Variants in CORIN observed in about 807,000 individuals in gnomAD.
CORIN encodes the protein corin, serine peptidase.
A neutral mutation model predicts 125.3 loss-of-function variants in CORIN; 117 were observed. The observed-to-expected ratio is 0.93, with a 90% confidence interval of 0.80 to 1.09. CORIN has a LOEUF of 1.09. Ranked by LOEUF, CORIN falls within the 50% of genes least tolerant of loss-of-function variation. CORIN has a pLI of 0.00. For synonymous variants in CORIN, 450 were observed against 466.4 expected, an observed-to-expected ratio of 0.96 and a Z score of 0.45; for missense variants, 1,253 against 1,306.7, an observed-to-expected ratio of 0.96 and a Z score of 0.63.
Position 47,628,292 on chromosome 4 carries a change from C to CT in CORIN, c.2199-1772dup, listed in dbSNP as rs575859017. 4.0e-4 allele frequency among the ~76,000 whole-genome samples: 61 copies of CT among 152,088 alleles called. No individual in the cohort carries two copies. In the South Asian group the frequency reaches 0.011, roughly 27 times the overall value. ...ATCTCCATAACTTCAATTTCCCTTT[C>CT]TTTTTTTTCCAGCTTTATTGAGGCA... On this transcript the variant is annotated intron_variant, in intron 16 of 21. Coordinates refer to ENST00000273857, the MANE Select transcript of CORIN (RefSeq NM_006587.4).
At chr4:47,701,676 T>A (rs184051401) in intron 5 of CORIN, among the ~76,000 whole-genome samples, 2,426 of 152,004 alleles carry the variant, frequency 0.016, 76 homozygotes, top group African/African-American at 0.055. Context: ...AAATCTAATT[T>A]AAAAAGTAGA....
intron 1 of CORIN, among the ~76,000 whole-genome samples, chr4:47,808,498 C>CA (rs1731896835): frequency 6.6e-6 from 1 of 152,182 alleles, no homozygotes; most frequent in African/African-American, 2.4e-5. Flanking sequence ...ACCCATATTG[C>CA]AAGCAGTGTT....
At chr4:47,686,692 T>C (rs921570454) in intron 6 of CORIN, among the ~76,000 whole-genome samples, 1 of 152,252 alleles carries the variant, frequency 6.6e-6, no homozygotes, top group Non-Finnish European at 1.5e-5. Flanking sequence ...TGAGTCAACA[T>C]GCTAGAATCA....
chr4:47,713,179 A>G (rs960343422), intron 5 of CORIN, among the ~76,000 whole-genome samples: 9 of 152,200 alleles, frequency 5.9e-5, no homozygotes, highest in African/African-American at 1.9e-4. Context: ...GTGTGGAGAA[A>G]AATCTGCCAA....
chr4:47,812,208 A>T (rs1028265640), intron 1 of CORIN, among the ~76,000 whole-genome samples: 1 of 152,146 alleles, frequency 6.6e-6, no homozygotes, highest in Non-Finnish European at 1.5e-5. Flanking sequence ...TATCAACACT[A>T]TATATGTGGC....
rs1458008417 is a variant in CORIN at position 47,653,560 on chromosome 4, T to A, written c.1836A>T (p.Glu612Asp). Residue 612 changes from glutamate to aspartate, a missense_variant, in exon 13 of 22, where the codon GAA becomes GAT. Physicochemically the swap from Glu to Asp is conservative, Grantham distance 45. Coordinates refer to ENST00000273857, the MANE Select transcript of CORIN (RefSeq NM_006587.4). ...ACCATTGCACATACATACCACAGTT[T>A]TCCTCATCACTGTCATCGTCACAGT... ...QADCDDDSDE[E>D]NCGCKERDLW... 3.1e-6 allele frequency: 5 copies of A among 1,612,878 alleles called. No individual in the cohort carries two copies. In the Admixed American group the frequency reaches 5.0e-5, roughly 16 times the overall value.
At chr4:47,656,791 T>A (rs1724005329) in intron 12 of CORIN, among the ~76,000 whole-genome samples, 1 of 152,040 alleles carries the variant, frequency 6.6e-6, no homozygotes. Flanking sequence ...GAAGCAGTCA[T>A]AAAAGAGAAA....
intron 19 of CORIN, among the ~76,000 whole-genome samples, chr4:47,620,723 C>G (rs941272209): frequency 1.3e-5 from 2 of 152,196 alleles, no homozygotes; most frequent in Non-Finnish European, 2.9e-5. Context: ...CTTTCGGTGT[C>G]TTACTGGTTG....
At chr4:47,809,953 G>A (rs1485031507) in intron 1 of CORIN, among the ~76,000 whole-genome samples, 1 of 152,106 alleles carries the variant, frequency 6.6e-6, no homozygotes, top group Non-Finnish European at 1.5e-5. Flanking sequence ...CTTAAGCTTT[G>A]TTTCAATGGA....
chr4:47,801,471 A>G (rs1222646687), intron 2 of CORIN, among the ~76,000 whole-genome samples: 1 of 152,256 alleles, frequency 6.6e-6, no homozygotes, highest in African/African-American at 2.4e-5. Context: ...ACAAGAATCA[A>G]AAATCAGGTG....
Position 47,797,645 on chromosome 4 carries a change from G to C in CORIN, c.208+9258C>G, listed in dbSNP as rs73135999. ...AGAGTTAATGTGAGACAAAATGCATGTTTAGTTAATTGTTACTTGGGTATA... is the reference window on the plus strand; with the variant it reads ...AGAGTTAATGTGAGACAAAATGCATCTTTAGTTAATTGTTACTTGGGTATA... On this transcript the variant is annotated intron_variant, in intron 2 of 21. Coordinates refer to ENST00000273857, the MANE Select transcript of CORIN (RefSeq NM_006587.4). 9.1e-3 allele frequency among the ~76,000 whole-genome samples: 1,383 copies of C among 152,082 alleles called. 20 individuals carry two copies. Among genetic ancestry groups the C allele is most frequent in the African/African-American group, 0.03 (1,248 of 41,516 alleles).
At chr4:47,772,636 G>A (rs1283626765) in intron 3 of CORIN, among the ~76,000 whole-genome samples, 1 of 152,114 alleles carries the variant, frequency 6.6e-6, no homozygotes, top group African/African-American at 2.4e-5. Flanking sequence ...TGTGGCCTTT[G>A]GCAAGTTATT....
chr4:47,712,336 T>C (rs1180257632), intron 5 of CORIN, among the ~76,000 whole-genome samples: 1 of 152,172 alleles, frequency 6.6e-6, no homozygotes, highest in East Asian at 1.9e-4. Context: ...AGCCTGGAGT[T>C]AAGTGGGACA....
intron 4 of CORIN, among the ~76,000 whole-genome samples, chr4:47,745,122 C>G (rs1464519692): frequency 6.6e-6 from 1 of 152,080 alleles, no homozygotes; most frequent in East Asian, 1.9e-4. Context: ...TTTATCTTTT[C>G]AGATTTCTAG....
intron 16 of CORIN, among the ~76,000 whole-genome samples, chr4:47,631,984 G>A (rs1722825600): frequency 1.3e-5 from 2 of 152,202 alleles, no homozygotes; most frequent in Non-Finnish European, 2.9e-5. Flanking sequence ...GACATTATGA[G>A]AGGGATTAAA....
At chr4:47,802,057 C>T (rs1449495560) in intron 2 of CORIN, among the ~76,000 whole-genome samples, 1 of 152,244 alleles carries the variant, frequency 6.6e-6, no homozygotes, top group Admixed American at 6.5e-5. Flanking sequence ...TGATCTGTCA[C>T]AGCAGAGACC....
In CORIN at chr4:47,626,511, CAGAT is replaced by C. The variant is rs748819464; in HGVS notation, c.2205_2208del (p.Ser736Ter). ...TCCTGTTCCTGTATCAATTTGGTCA[CAGAT>C]GGTTCTCTGATACAAGGCAAATACT... On this transcript the variant is annotated frameshift_variant, in exon 17 of 22. Transcript: ENST00000273857. LOFTEE classifies it high-confidence loss of function. 1 of 1,610,990 alleles carries C rather than the reference CAGAT, an allele frequency of 6.2e-7. No individual in the cohort carries two copies. Among genetic ancestry groups the C allele is most frequent in the East Asian group, 2.2e-5 (1 of 44,858 alleles).
At chr4:47,799,831 CAAAAGGTGGAAATAACCCAAATGTCTAT>C (rs1731459984) in intron 2 of CORIN, among the ~76,000 whole-genome samples, 1 of 151,954 alleles carries the variant, frequency 6.6e-6, no homozygotes, top group Admixed American at 6.6e-5. Context: ...AGATAATAGC[CAAAAGGTGGAAATAACCCAAATGTCTAT>C]CAATTGACAA....
chr4:47,801,988 C>T (rs1211316156), intron 2 of CORIN, among the ~76,000 whole-genome samples: 1 of 152,118 alleles, frequency 6.6e-6, no homozygotes, highest in South Asian at 2.1e-4. Flanking sequence ...ATGGAGAAAT[C>T]GGTGTGCTTG....
Sources: gnomAD v4.1 joint callset for allele counts (sites outside exome capture counted in the v4.1 genomes callset) on GRCh38, gnomAD v4.1.1 for gene constraint, MANE v1.5 for transcripts, NCBI Gene and HGNC (gene_info 2026-07-23, HGNC 2026-07-21) for gene names.